TK2: variants seen among roughly 807,000 people sequenced by gnomAD.
TK2 encodes the protein thymidine kinase 2.
TK2 carries 35 observed loss-of-function variants against 41.9 expected under a neutral mutation model. That is an observed-to-expected ratio of 0.84 (90% CI 0.64 to 1.11). TK2 has a LOEUF of 1.11. Among genes scored for constraint, TK2 ranks in the 50% least tolerant of loss-of-function variants. The pLI, the probability that TK2 is intolerant of heterozygous loss-of-function variation, is 0.00. For synonymous variants in TK2, 128 were observed against 129.1 expected (o/e 0.99, Z 0.06); for missense variants, 320 against 351.1 (o/e 0.91, Z 0.71).
At chr16:66,523,414 A>T (rs1701462122) in intron 6 of TK2, among the ~76,000 whole-genome samples, 1 of 152,194 alleles carries the variant, frequency 6.6e-6, no homozygotes, top group South Asian at 2.1e-4. Context: ...GCAGGTGGGA[A>T]CCAAGACACC....
Position 66,531,388 on chromosome 16 carries a change from G to T in TK2, c.367C>A (p.Arg123Ser), listed in dbSNP as rs753881948. The change falls in exon 5 of 10, where the codon CGT becomes AGT. Residue 123 changes from arginine (R) to serine (S), a missense_variant. Coordinates refer to ENST00000544898, the MANE Select transcript of TK2 (RefSeq NM_004614.5). Reference sequence around the variant, plus strand: ...GAGCATCTGAAACCTACCTGAGGACGAGTATGCCTGTCCAGCATGGTGAGC... The same window carrying T: ...GAGCATCTGAAACCTACCTGAGGACTAGTATGCCTGTCCAGCATGGTGAGC... ...VQLTMLDRHT[R>S]PQVSSVRLME... 1 of 1,614,144 alleles carries T rather than the reference G, an allele frequency of 6.2e-7. No homozygotes were observed. The highest frequency in any genetic ancestry group is 1.3e-5 in the African/African-American group (1 of 75,036).
At chr16:66,536,623 CCTGAGAAGTCCCGGGTT>C (rs2144434327) in intron 4 of TK2, among the ~76,000 whole-genome samples, 1 of 152,026 alleles carries the variant, frequency 6.6e-6, no homozygotes, top group East Asian at 1.9e-4. Context: ...GGGGGTTAGG[CCTGAGAAGTCCCGGGTT>C]CTGATAGGTT....
rs907695877 is a variant in TK2 at position 66,511,603 on chromosome 16, G to A, written c.*365C>T. 3.8e-5 allele frequency: 14 copies of A among 365,472 alleles called. No individual in the cohort carries two copies. Among genetic ancestry groups the A allele is most frequent in the East Asian group, 2.8e-4 (4 of 14,444 alleles). 22.6% of individuals were successfully genotyped at this position (365,472 alleles called of 1,614,324 possible). A position where few individuals can be genotyped will look rare whatever the true frequency, so the allele number is the denominator to read the frequency against. ...ACCTGGGATATAAGACTCCTACCTCGGCCTCCTAATGAAGGCTGAGACGAT... is the reference window on the plus strand; with the variant it reads ...ACCTGGGATATAAGACTCCTACCTCAGCCTCCTAATGAAGGCTGAGACGAT... On this transcript the variant is annotated 3_prime_UTR_variant, in exon 10 of 10. Coordinates refer to ENST00000544898, the MANE Select transcript of TK2 (RefSeq NM_004614.5).
Position 66,517,041 on chromosome 16 carries a change from C to A in TK2, c.618+95G>T, listed in dbSNP as rs967718216. ...TGTTCTCTCTCTGCAAACAAGGGCA[C>A]AATGATCTCATGGGGGTGGGGCCGG... On this transcript the variant is annotated intron_variant, in intron 8 of 9. Transcript: ENST00000544898. This position sits in a 1 kb window ranked among gnomAD's most constrained non-coding sequence, Gnocchi z 4.3. 2 of 1,062,214 alleles carry A rather than the reference C, an allele frequency of 1.9e-6. No homozygotes were observed. The highest frequency in any genetic ancestry group is 2.5e-5 in the South Asian group (2 of 79,904). The allele number at this position is 1,062,214 out of a possible 1,614,324, so 65.8% of individuals were successfully genotyped here.
intron 8 of TK2, among the ~76,000 whole-genome samples, chr16:66,516,242 G>A (rs1964609926): frequency 1.3e-5 from 2 of 152,122 alleles, no homozygotes; most frequent in Non-Finnish European, 2.9e-5. Flanking sequence ...TGGAGGAGGT[G>A]ACATCTGAGT....
chr16:66,543,541 G>A, intron 2 of TK2, among the ~76,000 whole-genome samples: 1 of 152,186 alleles, frequency 6.6e-6, no homozygotes, highest in East Asian at 1.9e-4. Flanking sequence ...CACACAGAGA[G>A]GGGCCCGACC....
At chr16:66,526,090 G>A (rs1288165569) in intron 6 of TK2, among the ~76,000 whole-genome samples, 2 of 152,170 alleles carry the variant, frequency 1.3e-5, no homozygotes, top group Non-Finnish European at 2.9e-5. Flanking sequence ...ATGGCCATCA[G>A]CAGGAACTGT....
chr16:66,517,064 C>T lies in TK2; in HGVS notation c.618+72G>A, dbSNP rs975593557. 13 of 1,319,894 alleles carry T rather than the reference C, an allele frequency of 9.8e-6. No homozygotes were observed. In the African/African-American group the frequency reaches 1.2e-4, roughly 12 times the overall value. The allele number at this position is 1,319,894 out of a possible 1,614,324, so 81.8% of individuals were successfully genotyped here. A position where few individuals can be genotyped will look rare whatever the true frequency, so the allele number is the denominator to read the frequency against. On this transcript the variant is annotated intron_variant, in intron 8 of 9. Coordinates refer to ENST00000544898, the MANE Select transcript of TK2 (RefSeq NM_004614.5). The surrounding 1 kb of genome is among the most constrained non-coding windows in gnomAD (Gnocchi z 4.3). The stretch of plus-strand genomic sequence containing the variant: ...CACAATGATCTCATGGGGGTGGGGC[C>T]GGGAGAGGAAGCCGGGTTGGACAGA...
rs1333982576 is a variant in TK2, at chr16:66,517,998, GT to G, written c.450-122del. ...GAGTCACCAAGGGTACCAGGGCACA[GT>G]GTGATCCGTGCAATACTGGACATGC... On this transcript the variant is annotated intron_variant, in intron 6 of 9. Coordinates refer to ENST00000544898, the MANE Select transcript of TK2 (RefSeq NM_004614.5). The surrounding 1 kb of genome is among the most constrained non-coding windows in gnomAD (Gnocchi z 4.3). The G allele has an allele frequency of 1.3e-4, 105 of 814,278 alleles. No individual in the cohort carries two copies. The highest frequency in any genetic ancestry group is 1.4e-4 in the Non-Finnish European group (65 of 463,124). The allele number at this position is 814,278 out of a possible 1,614,324, so 50.4% of individuals were successfully genotyped here.
upstream of TK2, chr16:66,550,182 T>C (rs752335942): frequency 1.0e-4 from 169 of 1,612,040 alleles, no homozygotes; most frequent in Admixed American, 1.3e-4. Flanking sequence ...AGAGACCCGG[T>C]CGCATTTCAT....
intron 6 of TK2, chr16:66,518,244 T>C (rs1964674962): frequency 2.2e-5 from 7 of 324,516 alleles, no homozygotes; most frequent in South Asian, 1.8e-4. Flanking sequence ...ATTTATTTTG[T>C]GGACCAGGGT....
At chr16:66,512,176 C>A in intron 9 of TK2, 110 bp from the exon 10 acceptor site, 1 of 940,384 alleles carries the variant, frequency 1.1e-6, no homozygotes, top group Non-Finnish European at 1.7e-6. Context: ...GGGAAGGGCA[C>A]AGAAGGTTGC....
chr16:66,528,667 G>A (rs1965009779), intron 6 of TK2, among the ~76,000 whole-genome samples: 1 of 152,224 alleles, frequency 6.6e-6, no homozygotes, highest in South Asian at 2.1e-4. Flanking sequence ...GGTCCCAGAA[G>A]GAGAGTGACA....
intron 6 of TK2, among the ~76,000 whole-genome samples, chr16:66,519,972 T>A (rs188010280): frequency 1.1e-3 from 170 of 152,306 alleles, no homozygotes; most frequent in African/African-American, 4.0e-3. Flanking sequence ...CAGCAAGGCA[T>A]GGCACCAACT....
chr16:66,536,920 C>G, intron 4 of TK2, 44 bp downstream of exon 4: 4 of 1,613,072 alleles, frequency 2.5e-6, no homozygotes, highest in Non-Finnish European at 3.4e-6. Flanking sequence ...TTCTCAGGTG[C>G]TTAAGGGGAA....
In TK2 at chr16:66,528,846, G is replaced by A. The variant is rs183484451; in HGVS notation, c.449+148C>T. 143 of 759,856 alleles carry A rather than the reference G, an allele frequency of 1.9e-4. 2 individuals are homozygous for A. Among genetic ancestry groups the A allele is most frequent in the South Asian group, 1.5e-3 (101 of 65,760 alleles). 47.1% of individuals were successfully genotyped at this position (759,856 alleles called of 1,614,324 possible). A position where few individuals can be genotyped will look rare whatever the true frequency, so the allele number is the denominator to read the frequency against. The stretch of plus-strand genomic sequence containing the variant: ...AGATAGCTGTCTGCCATGAGGATTC[G>A]TGGCTGTTTGTTACACCGCATTGCT... On this transcript the variant is annotated intron_variant, in intron 6 of 9. Transcript: ENST00000544898.
At position 66,514,305 on chromosome 16, in the gene TK2, G is replaced by C. The variant is rs1430707765; in HGVS notation, c.619-494C>G. The stretch of plus-strand genomic sequence containing the variant: ...TGACTGGTTTTCGTATTTTTTGGTG[G>C]AGACGGGGTTTCGCTGTGTTGGCCG... On this transcript the variant is annotated intron_variant, in intron 8 of 9. Coordinates refer to ENST00000544898, the MANE Select transcript of TK2 (RefSeq NM_004614.5). This position sits in a 1 kb window ranked among gnomAD's most constrained non-coding sequence, Gnocchi z 4.2. 6.6e-6 allele frequency among the ~76,000 whole-genome samples: 1 copy of C among 152,244 alleles called. No homozygotes were observed. Among genetic ancestry groups the C allele is most frequent in the Non-Finnish European group, 1.5e-5 (1 of 68,040 alleles).
At chr16:66,549,365 G>C in intron 1 of TK2, 1 of 1,137,588 alleles carries the variant, frequency 8.8e-7, no homozygotes, top group Non-Finnish European at 1.1e-6. Flanking sequence ...GGCGGCGGAC[G>C]TGGTTTTGGG....
In TK2 at chr16:66,541,619, G is replaced by A. The variant is rs7189418; in HGVS notation, c.231+260C>T. Among the ~76,000 whole-genome samples, 1,053 of 152,144 alleles carry A rather than the reference G, an allele frequency of 6.9e-3. 8 individuals are homozygous for A. The highest frequency in any genetic ancestry group is 0.024 in the African/African-American group (983 of 41,496). The stretch of plus-strand genomic sequence containing the variant: ...TTTTGTAGAGATGGGGTCTCGCCAT[G>A]TGGCCCAGGCTGGTCTGGAACTCCT... On this transcript the variant is annotated intron_variant, in intron 3 of 9. Coordinates refer to ENST00000544898, the MANE Select transcript of TK2 (RefSeq NM_004614.5).
Sources: gnomAD v4.1 joint callset for allele counts (sites outside exome capture counted in the v4.1 genomes callset) on GRCh38, gnomAD v4.1.1 for gene constraint, Gnocchi (gnomAD v3.1) non-coding constraint, MANE v1.5 for transcripts, NCBI Gene and HGNC (gene_info 2026-07-23, HGNC 2026-07-21) for gene names.